CTNNA2: variants seen among roughly 807,000 people sequenced by gnomAD.
The protein encoded by CTNNA2 is catenin alpha 2, also known as catenin alpha-2.
In CTNNA2, 42 loss-of-function variants were observed where a neutral mutation model predicts 101.0. The ratio of observed to expected loss-of-function variants is 0.42; its 90% confidence interval spans 0.32 to 0.54. The LOEUF (loss-of-function observed/expected upper bound fraction) is 0.54. Among genes scored for constraint, CTNNA2 ranks in the 20% least tolerant of loss-of-function variants. CTNNA2 has a pLI of 0.14. For missense variants in CTNNA2, 871 were observed against 1,223.1 expected, an observed-to-expected ratio of 0.71 and a Z score of 4.29; for synonymous variants, 450 against 456.4, an observed-to-expected ratio of 0.99 and a Z score of 0.18.
intron 7 of CTNNA2, among the ~76,000 whole-genome samples, chr2:79,974,849 C>T (rs560165268): frequency 2.6e-5 from 4 of 152,150 alleles, no homozygotes; most frequent in Admixed American, 6.5e-5. Flanking sequence ...AGGAGTCAGA[C>T]GAAGCGTAGG....
In CTNNA2 at chr2:79,967,854, G is replaced by A. The variant is rs111658300; in HGVS notation, c.1056+58057G>A. Among the ~76,000 whole-genome samples, 255 of 152,148 alleles carry A rather than the reference G, an allele frequency of 1.7e-3. 2 individuals carry two copies. The highest frequency in any genetic ancestry group is 1.5e-3 in the Non-Finnish European group (101 of 68,006). ...AACAGATGATTGGATAAAAAATTGC[G>A]GTAATGTTCTCTAGCCATTAAAAAG... On this transcript the variant is annotated intron_variant, in intron 7 of 18. Transcript: ENST00000402739.
intron 7 of CTNNA2, among the ~76,000 whole-genome samples, chr2:80,006,375 GAAAA>G (rs1421910183): frequency 7.6e-6 from 1 of 130,842 alleles, no homozygotes; most frequent in African/African-American, 2.8e-5. Context: ...AAAAAAAAAA[GAAAA>G]AACAAAAACT....
intron 7 of CTNNA2, among the ~76,000 whole-genome samples, chr2:80,294,205 G>A (rs546499539): frequency 4.8e-4 from 73 of 152,288 alleles, no homozygotes; most frequent in African/African-American, 1.7e-3. Flanking sequence ...TTTCAGATTT[G>A]AGTCTTCTTG....
intron 8 of CTNNA2, among the ~76,000 whole-genome samples, chr2:80,401,639 A>T (rs1678556242): frequency 6.6e-6 from 1 of 152,160 alleles, no homozygotes; most frequent in South Asian, 2.1e-4. Context: ...TGGAACTTTC[A>T]GACCTCATCC....
At chr2:79,280,685 A>AGAGAGAGAGAGAGAGAGAGAGAGAGAGAG (rs1553390858) in intron 2 of CTNNA2, among the ~76,000 whole-genome samples, 4 of 88,446 alleles carry the variant, frequency 4.5e-5, no homozygotes, top group Non-Finnish European at 6.9e-5. Flanking sequence ...GAGAGAGAGA[A>AGAGAGAGAGAGAGAGAGAGAGAGAGAGAG]AGAGAGAGAG....
At position 80,596,279 on chromosome 2, in the gene CTNNA2, G is replaced by GTTTTTTTTT. The variant is rs60132060; in HGVS notation, c.2189+6834_2189+6842dup. ...AGTTTTTTTGGGCTGAGACAAGGTT[G>GTTTTTTTTT]TTTTTTTTTTTTTTTTTTTTTTTTT... On this transcript the variant is annotated intron_variant, in intron 15 of 18. Transcript: ENST00000402739. Among the ~76,000 whole-genome samples the GTTTTTTTTT allele has an allele frequency of 4.3e-3, 152 of 35,324 alleles. 52 individuals are homozygous for GTTTTTTTTT. Among genetic ancestry groups the GTTTTTTTTT allele is most frequent in the Non-Finnish European group, 7.0e-3 (131 of 18,620 alleles). 23.2% of individuals were successfully genotyped at this position (35,324 alleles called of 152,430 possible).
chr2:79,357,627 C>T (rs903198319), intron 3 of CTNNA2, among the ~76,000 whole-genome samples: 2 of 152,096 alleles, frequency 1.3e-5, no homozygotes, highest in Non-Finnish European at 2.9e-5. Context: ...ACTCAAGAAT[C>T]ATTACAAATC....
chr2:79,614,314 C>T (rs919696908), intron 1 of CTNNA2, among the ~76,000 whole-genome samples: 3 of 151,998 alleles, frequency 2.0e-5, no homozygotes, highest in Non-Finnish European at 4.4e-5. Context: ...TGTGAATTCT[C>T]CTGACTGGAA....
intron 7 of CTNNA2, among the ~76,000 whole-genome samples, chr2:80,176,281 G>A (rs1186974428): frequency 6.6e-6 from 1 of 152,116 alleles, no homozygotes. Flanking sequence ...CAACCCAAAT[G>A]CTATTAGATA....
intron 13 of CTNNA2, 112 bp from the exon 14 acceptor site, chr2:80,581,594 G>A: frequency 7.2e-6 from 5 of 690,614 alleles, no homozygotes; most frequent in Non-Finnish European, 1.3e-5. Flanking sequence ...GTGCTATGTA[G>A]GATGCTATAA....
At chr2:79,261,374 T>A (rs1674919332) in intron 2 of CTNNA2, among the ~76,000 whole-genome samples, 1 of 152,134 alleles carries the variant, frequency 6.6e-6, no homozygotes, top group African/African-American at 2.4e-5. Flanking sequence ...CTATAGGAAG[T>A]GAGGGTAGTA....
At chr2:79,961,484 T>C (rs1321536860) in intron 7 of CTNNA2, among the ~76,000 whole-genome samples, 2 of 152,092 alleles carry the variant, frequency 1.3e-5, no homozygotes, top group African/African-American at 4.8e-5. Flanking sequence ...GGTGAAGGCT[T>C]GAGAGCAGTA....
intron 4 of CTNNA2, among the ~76,000 whole-genome samples, chr2:79,859,625 T>C (rs372117406): frequency 6.6e-6 from 1 of 150,560 alleles, no homozygotes; most frequent in African/African-American, 2.4e-5. Flanking sequence ...TTTTTATTTT[T>C]ATTTTTATTT....
chr2:79,395,113 A>G (rs901527713), intron 4 of CTNNA2, among the ~76,000 whole-genome samples: 1 of 152,174 alleles, frequency 6.6e-6, no homozygotes, highest in African/African-American at 2.4e-5. Context: ...TTCAAGATAA[A>G]TACTATAAGT....
intron 1 of CTNNA2, among the ~76,000 whole-genome samples, chr2:79,610,346 G>GA (rs1411147980): frequency 8.6e-5 from 13 of 151,996 alleles, no homozygotes; most frequent in African/African-American, 2.9e-4. Flanking sequence ...AAAATACTTT[G>GA]AAAAGCAGTT....
At chr2:80,569,469 A>T (rs1694358641) in intron 12 of CTNNA2, among the ~76,000 whole-genome samples, 1 of 151,966 alleles carries the variant, frequency 6.6e-6, no homozygotes, top group Admixed American at 6.6e-5. Flanking sequence ...AAGCAGAAAG[A>T]AGCTTCTATT....
rs535185708 is a variant in CTNNA2 at position 80,209,971 on chromosome 2, A to G, written c.1057-183240A>G. Among the ~76,000 whole-genome samples the G allele has an allele frequency of 1.3e-3, 199 of 152,350 alleles. 1 individual carries two copies. Among genetic ancestry groups the G allele is most frequent in the African/African-American group, 4.5e-3 (187 of 41,584 alleles). ...ATCTTCAGTAATCCTATTTCCTAAG[A>G]TAACTGCTGTTAGCTTGGTGTGGTT... On this transcript the variant is annotated intron_variant, in intron 7 of 18. Transcript: ENST00000402739.
intron 3 of CTNNA2, among the ~76,000 whole-genome samples, chr2:79,800,487 T>G (rs2105294607): frequency 6.6e-6 from 1 of 152,234 alleles, no homozygotes; most frequent in East Asian, 1.9e-4. Flanking sequence ...TGTCCAAAAT[T>G]GAAAAATACA....
intron 7 of CTNNA2, among the ~76,000 whole-genome samples, chr2:80,330,369 G>A (rs140576277): frequency 1.6e-4 from 24 of 152,284 alleles, no homozygotes; most frequent in African/African-American, 5.1e-4. Flanking sequence ...CTTGTACTTA[G>A]CTAAGAGACT....
Sources: allele counts gnomAD v4.1 joint callset (sites outside exome capture counted in the v4.1 genomes callset), GRCh38; gene constraint gnomAD v4.1.1; transcripts MANE v1.5; gene names NCBI Gene and HGNC (gene_info 2026-07-23, HGNC 2026-07-21).